NCK1: variants seen among roughly 807,000 people sequenced by gnomAD.
NCK1 encodes the protein SH2/SH3 adapter protein NCK1.
Under a neutral mutation model 36.6 loss-of-function variants are expected in NCK1, and 19 were observed. That is an observed-to-expected ratio of 0.52 (90% CI 0.36 to 0.76). The LOEUF (loss-of-function observed/expected upper bound fraction) is 0.76, where lower values mean the gene tolerates loss of function less well. Ranked by LOEUF, NCK1 falls within the 30% of genes least tolerant of loss-of-function variation. NCK1 has a pLI of 0.00. For synonymous variants in NCK1, 165 were observed against 156.0 expected, an observed-to-expected ratio of 1.06 and a Z score of -0.43; for missense variants, 358 against 445.6, an observed-to-expected ratio of 0.80 and a Z score of 1.77.
intron 2 of NCK1, among the ~76,000 whole-genome samples, chr3:136,940,270 T>C (rs556602832): frequency 1.4e-4 from 21 of 152,220 alleles, no homozygotes; most frequent in Admixed American, 7.2e-4. Context: ...TGGGATATTC[T>C]CTATATGTCT....
intron 1 of NCK1, among the ~76,000 whole-genome samples, chr3:136,923,156 TGTG>T (rs895798098): frequency 6.6e-6 from 1 of 152,022 alleles, no homozygotes; most frequent in Admixed American, 6.6e-5. Flanking sequence ...TATGTTTTGT[TGTG>T]GGGGTAGATA....
intron 1 of NCK1, among the ~76,000 whole-genome samples, chr3:136,917,855 C>T (rs1940007943): frequency 6.6e-6 from 1 of 152,204 alleles, no homozygotes; most frequent in African/African-American, 2.4e-5. Context: ...AGTAAGCTCT[C>T]ACCAAATATT....
intron 1 of NCK1, among the ~76,000 whole-genome samples, chr3:136,881,431 G>T (rs1372620232): frequency 6.6e-6 from 1 of 152,098 alleles, no homozygotes; most frequent in East Asian, 1.9e-4. Context: ...TATTGGCCAG[G>T]CTGGTCTTGA....
chr3:136,863,195 G>T (rs56308712), intron 1 of NCK1, among the ~76,000 whole-genome samples: 11,232 of 152,152 alleles, frequency 0.074, 439 homozygotes, highest in Non-Finnish European at 0.095. Flanking sequence ...AATTAGGAAA[G>T]AATTAGGTTA....
intron 1 of NCK1, among the ~76,000 whole-genome samples, chr3:136,897,839 A>T (rs1311000955): frequency 3.3e-5 from 5 of 152,194 alleles, no homozygotes; most frequent in African/African-American, 1.2e-4. Context: ...AATTGATCAG[A>T]AGCTAGTTGA....
chr3:136,878,993 T>C (rs1938854393), intron 1 of NCK1, among the ~76,000 whole-genome samples: 1 of 152,208 alleles, frequency 6.6e-6, no homozygotes, highest in African/African-American at 2.4e-5. Context: ...AGAGAATCTG[T>C]GTTATTTACA....
In NCK1 at chr3:136,950,385, G is replaced by A. The variant is rs1203533770; in HGVS notation, c.*1932G>A. Among the ~76,000 whole-genome samples the A allele has an allele frequency of 1.3e-5, 2 of 152,012 alleles. No individual in the cohort carries two copies. Among genetic ancestry groups the A allele is most frequent in the Non-Finnish European group, 2.9e-5 (2 of 67,958 alleles). ...GAGAAAGTAGGAGTGTAGTAGCACT[G>A]GAAACAGAATGCAAATTTCTGTTCC... On this transcript the variant is annotated 3_prime_UTR_variant, in exon 4 of 4. Coordinates refer to ENST00000481752, the MANE Select transcript of NCK1 (RefSeq NM_001291999.2).
chr3:136,927,721 A>G (rs1257428039), intron 1 of NCK1, among the ~76,000 whole-genome samples: 2 of 152,238 alleles, frequency 1.3e-5, no homozygotes, highest in Non-Finnish European at 2.9e-5. Context: ...GGGTTTCACC[A>G]TGTTGGCCAA....
At chr3:136,913,633 A>G (rs534562815) in intron 1 of NCK1, among the ~76,000 whole-genome samples, 2 of 152,030 alleles carry the variant, frequency 1.3e-5, no homozygotes, top group South Asian at 2.1e-4. Flanking sequence ...TTTCCTGGAC[A>G]TGCACAGTGA....
At position 136,948,568 on chromosome 3, in the gene NCK1, G is replaced by A. The variant is rs1940889639; in HGVS notation, c.*115G>A. 1.4e-5 allele frequency: 12 copies of A among 842,722 alleles called. No individual in the cohort carries two copies. Among genetic ancestry groups the A allele is most frequent in the Non-Finnish European group, 2.0e-5 (11 of 541,496 alleles). 52.2% of individuals were successfully genotyped at this position (842,722 alleles called of 1,614,324 possible). A position where few individuals can be genotyped will look rare whatever the true frequency, so the allele number is the denominator to read the frequency against. On this transcript the variant is annotated 3_prime_UTR_variant, in exon 4 of 4. Coordinates refer to ENST00000481752, the MANE Select transcript of NCK1 (RefSeq NM_001291999.2). ...GAAATTGTTGTTTCTAAATCTATAT[G>A]AGAATTGACAATAAGTATTTTTATT...
At chr3:136,893,304 A>T (rs1444140616) in intron 1 of NCK1, among the ~76,000 whole-genome samples, 2 of 150,976 alleles carry the variant, frequency 1.3e-5, no homozygotes, top group African/African-American at 2.4e-5. Flanking sequence ...TGCGCCATCC[A>T]CGTCAACATC....
At chr3:136,871,289 A>G (rs1287029115) in intron 1 of NCK1, among the ~76,000 whole-genome samples, 3 of 151,976 alleles carry the variant, frequency 2.0e-5, no homozygotes, top group Admixed American at 1.3e-4. Flanking sequence ...AGTCCTAGCT[A>G]CTTGCAAGGC....
chr3:136,899,561 G>T, intron 1 of NCK1: 1 of 570,288 alleles, frequency 1.8e-6, no homozygotes, highest in Non-Finnish European at 3.3e-6. Context: ...TAGCACTATT[G>T]CCATCACTGC....
At chr3:136,923,105 A>ATG (rs34553311) in intron 1 of NCK1, among the ~76,000 whole-genome samples, 26,712 of 150,830 alleles carry the variant, frequency 0.18, 2,908 homozygotes, top group Non-Finnish European at 0.25. Context: ...GCCTATGTGT[A>ATG]TGTGTGTGTG....
At chr3:136,877,899 C>T (rs1032337224) in intron 1 of NCK1, among the ~76,000 whole-genome samples, 4 of 151,956 alleles carry the variant, frequency 2.6e-5, no homozygotes, top group African/African-American at 4.8e-5. Flanking sequence ...TCATAATAGC[C>T]CCAAAGTAGA....
At chr3:136,938,742 A>G (rs983332693) in intron 2 of NCK1, among the ~76,000 whole-genome samples, 8 of 152,234 alleles carry the variant, frequency 5.3e-5, no homozygotes, top group African/African-American at 1.9e-4. Context: ...TTAAAGAGAA[A>G]CACACATAAA....
intron 2 of NCK1, among the ~76,000 whole-genome samples, chr3:136,934,210 T>G (rs191215610): frequency 2.0e-5 from 3 of 152,156 alleles, no homozygotes; most frequent in Non-Finnish European, 4.4e-5. Context: ...TTTTTTAACT[T>G]TTAGGGTTGG....
chr3:136,935,551 G>C (rs1368835174), intron 2 of NCK1, among the ~76,000 whole-genome samples: 1 of 152,032 alleles, frequency 6.6e-6, no homozygotes, highest in Non-Finnish European at 1.5e-5. Flanking sequence ...GTCGACTGAG[G>C]GAGAAACTGA....
At chr3:136,934,958 T>C (rs1410586742) in intron 2 of NCK1, among the ~76,000 whole-genome samples, 3 of 151,980 alleles carry the variant, frequency 2.0e-5, no homozygotes, top group Non-Finnish European at 4.4e-5. Flanking sequence ...CCCCCAAAAC[T>C]CCGCATGATC....
Sources: allele counts gnomAD v4.1 joint callset (sites outside exome capture counted in the v4.1 genomes callset), GRCh38; gene constraint gnomAD v4.1.1; transcripts MANE v1.5; gene names NCBI Gene and HGNC (gene_info 2026-07-23, HGNC 2026-07-21).